Variants in AGO2 observed in about 807,000 individuals in gnomAD.
AGO2 encodes the protein protein argonaute-2.
Under a neutral mutation model 102.3 loss-of-function variants are expected in AGO2, and 5 were observed. That is an observed-to-expected ratio of 0.05 (90% CI 0.03 to 0.10). The LOEUF (loss-of-function observed/expected upper bound fraction) is 0.10. AGO2 is among the 10% of genes least tolerant of loss of function. The pLI is 1.00. For missense variants in AGO2, 541 were observed against 1,183.7 expected (o/e 0.46, Z 7.97); for synonymous variants, 449 against 473.1 (o/e 0.95, Z 0.66).
In AGO2 at chr8:140,589,352, C is replaced by G. The variant is rs1030757095; in HGVS notation, c.23-4041G>C. Among the ~76,000 whole-genome samples the G allele has an allele frequency of 2.0e-5, 3 of 152,146 alleles. No homozygotes were observed. Among genetic ancestry groups the G allele is most frequent in the African/African-American group, 4.8e-5 (2 of 41,428 alleles). On this transcript the variant is annotated intron_variant, in intron 1 of 18. Transcript: ENST00000220592. The surrounding 1 kb of genome is among the most constrained non-coding windows in gnomAD (Gnocchi z 4.2). Reference sequence around the variant, plus strand: ...TCCGTGAAGCCGCTTTGGCTACCGGCGGGTGAACCACAGGCCCGGGTCAGC... The same window carrying G: ...TCCGTGAAGCCGCTTTGGCTACCGGGGGGTGAACCACAGGCCCGGGTCAGC...
rs2072503333 is a variant in AGO2 at position 140,526,218 on chromosome 8, G to A, written c.*5826C>T. 6.6e-6 allele frequency: 1 copy of A among 152,162 alleles called. No homozygotes were observed. The highest frequency in any genetic ancestry group is 1.5e-5 in the Non-Finnish European group (1 of 68,026). 9.4% of individuals were successfully genotyped at this position (152,162 alleles called of 1,614,324 possible). On this transcript the variant is annotated 3_prime_UTR_variant, in exon 19 of 19. Transcript: ENST00000220592. The surrounding 1 kb of genome is among the most constrained non-coding windows in gnomAD (Gnocchi z 5.2). ...ATAAAAGAGAGGAGAGGACAGAGGA[G>A]GCCATTTTCAACCCATTTGTAGGTA...
intron 1 of AGO2, among the ~76,000 whole-genome samples, chr8:140,612,384 G>C (rs1285446925): frequency 1.3e-5 from 2 of 152,182 alleles, no homozygotes; most frequent in African/African-American, 4.8e-5. Context: ...CCTGGTGCAT[G>C]ATGGACAAAA....
chr8:140,583,683 G>A (rs1363901877), intron 2 of AGO2, among the ~76,000 whole-genome samples: 1 of 152,138 alleles, frequency 6.6e-6, no homozygotes, highest in Admixed American at 6.6e-5. Context: ...AGAGTAGCCT[G>A]GCCAATATGG....
chr8:140,575,484 G>T (rs1050022818), intron 2 of AGO2, among the ~76,000 whole-genome samples: 1 of 152,158 alleles, frequency 6.6e-6, no homozygotes, highest in African/African-American at 2.4e-5. Flanking sequence ...CCCTGGCCAG[G>T]ACTGCACAAT....
At position 140,585,154 on chromosome 8, in the gene AGO2, A is replaced by G. The variant is rs1470574995; in HGVS notation, c.180T>C (p.Asp60=). 1 of 1,614,082 alleles carries G rather than the reference A, an allele frequency of 6.2e-7. No individual in the cohort carries two copies. Among genetic ancestry groups the G allele is most frequent in the East Asian group, 2.2e-5 (1 of 44,894 alleles). Residue 60 remains aspartate (D), a synonymous_variant, in exon 2 of 19, where the codon GAT becomes GAC. Transcript: ENST00000220592. ...TCCTCGGGCACTTCTCTGGCTTGAT[A>G]TCCAATTCATAATGATAGATGTCAA... ...PKIDIYHYEL[D]IKPEKCPRRV...
intron 1 of AGO2, among the ~76,000 whole-genome samples, chr8:140,621,064 G>A (rs1225621028): frequency 6.6e-6 from 1 of 152,138 alleles, no homozygotes; most frequent in African/African-American, 2.4e-5. Context: ...AGGAGCAGAA[G>A]TTCTATGGGC....
chr8:140,593,436 C>A (rs894289898), intron 1 of AGO2, among the ~76,000 whole-genome samples: 6 of 151,868 alleles, frequency 4.0e-5, no homozygotes, highest in African/African-American at 1.5e-4. Context: ...AGGTGATCCA[C>A]CCGCCTCGGC....
Position 140,583,534 on chromosome 8 carries a change from T to C in AGO2, c.215+1585A>G, listed in dbSNP as rs556218753. ...ACAAACCTGTACAGCACACGACTGC[T>C]GAACACGGCAGGCAATTGTAACACC... is the stretch of plus-strand genomic sequence containing the variant. On this transcript the variant is annotated intron_variant, in intron 2 of 18. Coordinates refer to ENST00000220592, the MANE Select transcript of AGO2 (RefSeq NM_012154.5). Among the ~76,000 whole-genome samples the C allele has an allele frequency of 1.5e-4, 23 of 152,302 alleles. 1 individual carries two copies. The highest frequency in any genetic ancestry group is 5.1e-4 in the African/African-American group (21 of 41,560).
chr8:140,557,920 C>A lies in AGO2; in HGVS notation c.878+565G>T, dbSNP rs1264808496. 1.3e-5 allele frequency among the ~76,000 whole-genome samples: 2 copies of A among 152,232 alleles called. No homozygotes were observed. The highest frequency in any genetic ancestry group is 2.4e-5 in the African/African-American group (1 of 41,470). ...CACGGGCATCTTGGTACCTCCAGTG[C>A]CTGGCAACAGGCCTGGCACTTTCCA... On this transcript the variant is annotated intron_variant, in intron 7 of 18. Transcript: ENST00000220592. The surrounding 1 kb of genome is among the most constrained non-coding windows in gnomAD (Gnocchi z 5.9).
At chr8:140,583,789 C>T (rs35257145) in intron 2 of AGO2, among the ~76,000 whole-genome samples, 2,310 of 152,294 alleles carry the variant, frequency 0.015, 27 homozygotes, top group South Asian at 0.04. Flanking sequence ...GCAGGAGAAT[C>T]ACTTGAACCC....
intron 10 of AGO2, among the ~76,000 whole-genome samples, chr8:140,553,074 T>C (rs2073029978): frequency 6.6e-6 from 1 of 152,198 alleles, no homozygotes; most frequent in African/African-American, 2.4e-5. Flanking sequence ...TTTAGAGATC[T>C]GGAAAAATGT....
rs576072209 is a variant in AGO2 at position 140,531,892 on chromosome 8, G to T, written c.*152C>A. On this transcript the variant is annotated 3_prime_UTR_variant, in exon 19 of 19. Transcript: ENST00000220592. ...AAAATCCAAGTTTGAAATCTGGGAC[G>T]GAAGGCATTCTGGAAAACGGAGAAT... 88 of 672,948 alleles carry T rather than the reference G, an allele frequency of 1.3e-4. No homozygotes were observed. In the African/African-American group the frequency reaches 1.4e-3, roughly 10 times the overall value. The allele number at this position is 672,948 out of a possible 1,614,324, so 41.7% of individuals were successfully genotyped here.
chr8:140,535,696 G>T, intron 16 of AGO2, 127 bp from the exon 17 acceptor site: 1 of 763,322 alleles, frequency 1.3e-6, no homozygotes. Flanking sequence ...GGCTAATACA[G>T]GTCCTCGGTA....
intron 1 of AGO2, among the ~76,000 whole-genome samples, chr8:140,617,821 A>G (rs1026066782): frequency 1.3e-5 from 2 of 151,594 alleles, no homozygotes; most frequent in East Asian, 1.9e-4. Context: ...GTTTGAGAGC[A>G]GCCTGGACAA....
At chr8:140,598,496 G>A (rs557597091) in intron 1 of AGO2, among the ~76,000 whole-genome samples, 1 of 152,334 alleles carries the variant, frequency 6.6e-6, no homozygotes, top group Admixed American at 6.5e-5. Flanking sequence ...AGCTCCTCTG[G>A]GAGTGCCTCC....
chr8:140,542,084 C>T (rs2977474), intron 14 of AGO2, among the ~76,000 whole-genome samples: 24,962 of 151,966 alleles, frequency 0.16, 2,595 homozygotes, highest in African/African-American at 0.29. Flanking sequence ...AAGCAGCCAC[C>T]GGAAGGTGCC....
At chr8:140,591,639 AAAAT>A (rs1254460053) in intron 1 of AGO2, 2 of 152,250 alleles carry the variant, frequency 1.3e-5, no homozygotes, top group Admixed American at 1.3e-4. Flanking sequence ...GGGGTTTTTT[AAAAT>A]AAATGTTTGT....
At chr8:140,594,133 G>C (rs1182554762) in intron 1 of AGO2, among the ~76,000 whole-genome samples, 2 of 152,128 alleles carry the variant, frequency 1.3e-5, no homozygotes, top group South Asian at 4.1e-4. Flanking sequence ...TTCAGAAGAG[G>C]GCAGGGAGGA....
At chr8:140,611,549 A>T (rs2074079176) in intron 1 of AGO2, among the ~76,000 whole-genome samples, 2 of 151,992 alleles carry the variant, frequency 1.3e-5, no homozygotes, top group Non-Finnish European at 2.9e-5. Context: ...GCTGGTCTCA[A>T]ACTCCTGACC....
Sources: gnomAD v4.1 joint callset for allele counts (sites outside exome capture counted in the v4.1 genomes callset) on GRCh38, gnomAD v4.1.1 for gene constraint, Gnocchi (gnomAD v3.1) non-coding constraint, MANE v1.5 for transcripts, NCBI Gene and HGNC (gene_info 2026-07-23, HGNC 2026-07-21) for gene names.